Variants in TAF8 observed in about 807,000 individuals in gnomAD.
TAF8 encodes the protein transcription initiation factor TFIID subunit 8.
A neutral mutation model predicts 36.5 loss-of-function variants in TAF8; 47 were observed. The ratio of observed to expected loss-of-function variants is 1.29; its 90% CI spans 1.02 to 1.64. The LOEUF (loss-of-function observed/expected upper bound fraction) is 1.64. Ranked by LOEUF, TAF8 falls within the 40% of genes most tolerant of loss-of-function variation. The pLI, the probability that TAF8 is intolerant of heterozygous loss-of-function variation, is 0.00. For synonymous variants in TAF8, 175 were observed against 159.5 expected (o/e 1.10, Z -0.73); for missense variants, 420 against 407.6 (o/e 1.03, Z -0.26).
Position 42,050,530 on chromosome 6 carries a change from C to G in TAF8, c.-12C>G, listed in dbSNP as rs1345718234. ...TCGCGCCCCGCGCTCGCGCACACTA[C>G]GCCAGAACAAGATGGCCGACGCGGC... On this transcript the variant is annotated 5_prime_UTR_variant, in exon 1 of 9. Coordinates refer to ENST00000372977, the MANE Select transcript of TAF8 (RefSeq NM_138572.3). 6.8e-7 allele frequency: 1 copy of G among 1,463,388 alleles called. No individual in the cohort carries two copies. Among genetic ancestry groups the G allele is most frequent in the African/African-American group, 1.4e-5 (1 of 70,404 alleles). 90.7% of individuals were successfully genotyped at this position (1,463,388 alleles called of 1,614,324 possible).
At chr6:42,063,129 A>G (rs1042160892) in intron 5 of TAF8, 1 of 152,132 alleles carries the variant, frequency 6.6e-6, no homozygotes. Flanking sequence ...AACCCATAAC[A>G]TTCTTTAACT....
rs2127457685 is a variant in TAF8, at chr6:42,065,766, G to T, written c.490-546G>T. ...TGAAGGCTCCAAGACAATCTCTACA[G>T]TAAATATTTGTACATTTCTTAATTT... On this transcript the variant is annotated intron_variant, in intron 5 of 8. Coordinates refer to ENST00000372977, the MANE Select transcript of TAF8 (RefSeq NM_138572.3). 2.0e-5 allele frequency among the ~76,000 whole-genome samples: 3 copies of T among 152,280 alleles called. No individual in the cohort carries two copies. In the South Asian group the frequency reaches 6.2e-4, roughly 32 times the overall value.
At chr6:42,074,463 C>A (rs1017790534) in intron 7 of TAF8, among the ~76,000 whole-genome samples, 31 of 152,206 alleles carry the variant, frequency 2.0e-4, no homozygotes, top group African/African-American at 7.5e-4. Flanking sequence ...AGCTCACAGG[C>A]AATTCAGGGA....
chr6:42,070,943 G>GTGTTCTAGTCCTAGTT (rs1466318664), intron 7 of TAF8, among the ~76,000 whole-genome samples: 1 of 152,102 alleles, frequency 6.6e-6, no homozygotes, highest in Non-Finnish European at 1.5e-5. Context: ...GGGCAAGGAG[G>GTGTTCTAGTCCTAGTT]TGTTCTAGTC....
chr6:42,061,458 A>G (rs1765187301), intron 5 of TAF8, among the ~76,000 whole-genome samples: 2 of 152,192 alleles, frequency 1.3e-5, no homozygotes, highest in Non-Finnish European at 2.9e-5. Context: ...GTTAAATTTT[A>G]TAGCTGATTA....
intron 7 of TAF8, among the ~76,000 whole-genome samples, chr6:42,068,970 G>T (rs371631232): frequency 6.6e-6 from 1 of 152,104 alleles, no homozygotes; most frequent in African/African-American, 2.4e-5. Flanking sequence ...GACCGAGAAG[G>T]GGGCATTTGA....
At chr6:42,087,087 T>C (rs1395717261), downstream of TAF8, 2 of 362,830 alleles carry the variant, frequency 5.5e-6, no homozygotes, top group Non-Finnish European at 5.1e-6. Flanking sequence ...AGCCTTCCTC[T>C]GGCTTCACAG....
At chr6:42,073,061 G>A (rs991641274) in intron 7 of TAF8, among the ~76,000 whole-genome samples, 1 of 152,220 alleles carries the variant, frequency 6.6e-6, no homozygotes, top group African/African-American at 2.4e-5. Flanking sequence ...ATCTCTTGAT[G>A]AGAGTGCACC....
Position 42,078,724 on chromosome 6 carries a change from G to A in TAF8, c.*1179G>A. ...TGTGAGGAATGTGTGCTTGGGAACT[G>A]CCAAGTCTTACCCCTTCTGGAAGAA... On this transcript the variant is annotated 3_prime_UTR_variant, in exon 9 of 9. Transcript: ENST00000372977. 1.0e-6 allele frequency: 1 copy of A among 985,446 alleles called. No individual in the cohort carries two copies. The highest frequency in any genetic ancestry group is 1.2e-6 in the Non-Finnish European group (1 of 829,936). The allele number at this position is 985,446 out of a possible 1,614,324, so 61.0% of individuals were successfully genotyped here.
At chr6:42,076,217 A>AT (rs1315504122) in intron 7 of TAF8, among the ~76,000 whole-genome samples, 1 of 151,506 alleles carries the variant, frequency 6.6e-6, no homozygotes, top group Non-Finnish European at 1.5e-5. Context: ...AAAAAAAAAA[A>AT]ATGAACAGTA....
intron 1 of TAF8, chr6:42,050,819 A>G (rs1764746253): frequency 1.1e-6 from 1 of 952,138 alleles, no homozygotes; most frequent in African/African-American, 1.7e-5. Flanking sequence ...GGAGCCCGGA[A>G]CACCCCCGAT....
chr6:42,057,554 C>T lies in TAF8; in HGVS notation c.489+41C>T, dbSNP rs762832058. 2.1e-5 allele frequency: 34 copies of T among 1,610,672 alleles called. No homozygotes were observed. The South Asian group carries it at 2.9e-4, about 14-fold the overall frequency. On this transcript the variant is annotated intron_variant, in intron 5 of 8. Coordinates refer to ENST00000372977, the MANE Select transcript of TAF8 (RefSeq NM_138572.3). The stretch of plus-strand genomic sequence containing the variant: ...CTGGGACTGCGCGTGGTGTAAAGCA[C>T]GGAGTCAGTTCCTACTGACTGTCAC...
At chr6:42,050,940 CCT>C (rs2127446609) in intron 1 of TAF8, 2 of 1,124,052 alleles carry the variant, frequency 1.8e-6, no homozygotes, top group South Asian at 6.9e-5. Context: ...CTTTTGCCCT[CCT>C]CTCCTCGCGG....
In TAF8 at chr6:42,081,170, AGT is replaced by A. The variant is rs58805733; in HGVS notation, c.*3645_*3646del. ...TGTCCTTTATTTTCTTTCCTCCTGG[AGT>A]GTGTGTGTGTGTGTGTGTGCGTGTG... is the stretch of plus-strand genomic sequence containing the variant. On this transcript the variant is annotated 3_prime_UTR_variant, in exon 9 of 9. Coordinates refer to ENST00000372977, the MANE Select transcript of TAF8 (RefSeq NM_138572.3). 460 of 137,032 alleles carry A rather than the reference AGT, an allele frequency of 3.4e-3. 18 individuals are homozygous for A. In the East Asian group the frequency reaches 0.086, roughly 26 times the overall value. 8.5% of individuals were successfully genotyped at this position (137,032 alleles called of 1,614,324 possible). A position where few individuals can be genotyped will look rare whatever the true frequency, so the allele number is the denominator to read the frequency against.
At chr6:42,067,386 T>C (rs1189112075) in intron 6 of TAF8, among the ~76,000 whole-genome samples, 1 of 151,948 alleles carries the variant, frequency 6.6e-6, no homozygotes, top group African/African-American at 2.4e-5. Flanking sequence ...GCTAATTTTT[T>C]GTATTTTTAG....
intron 5 of TAF8, chr6:42,063,769 T>G (rs941573829): frequency 6.6e-6 from 1 of 152,174 alleles, no homozygotes; most frequent in Non-Finnish European, 1.5e-5. Flanking sequence ...GCTCAGTCTT[T>G]TTTTAGAGGT....
Position 42,080,370 on chromosome 6 carries a change from T to G in TAF8, c.*2825T>G, listed in dbSNP as rs918228339. 7.7e-6 allele frequency: 7 copies of G among 905,728 alleles called. No individual in the cohort carries two copies. In the East Asian group the frequency reaches 1.5e-3, roughly 189 times the overall value. 56.1% of individuals were successfully genotyped at this position (905,728 alleles called of 1,614,324 possible). ...CAGAGGCTATACTCTTTTTTTTTCT[T>G]TTCTTTTTTTTTTTTTTTTGAGACG... On this transcript the variant is annotated 3_prime_UTR_variant, in exon 9 of 9. Transcript: ENST00000372977.
In TAF8 at chr6:42,080,158, C is replaced by CA. The variant is rs1192106917; in HGVS notation, c.*2614dup. On this transcript the variant is annotated 3_prime_UTR_variant, in exon 9 of 9. Coordinates refer to ENST00000372977, the MANE Select transcript of TAF8 (RefSeq NM_138572.3). ...ATTCTTGGCCTGATAAGTTTATGAACACAGCCCCACATTCAAGCCGTGGCC... is the reference window on the plus strand; with the variant it reads ...ATTCTTGGCCTGATAAGTTTATGAACAACAGCCCCACATTCAAGCCGTGGCC... 45 of 985,258 alleles carry CA rather than the reference C, an allele frequency of 4.6e-5. No homozygotes were observed. The highest frequency in any genetic ancestry group is 5.4e-5 in the Non-Finnish European group (45 of 829,974). 61.0% of individuals were successfully genotyped at this position (985,258 alleles called of 1,614,324 possible).
At chr6:42,077,502 C>T in intron 8 of TAF8, 31 bp from the exon 9 acceptor site, 1 of 1,611,194 alleles carries the variant, frequency 6.2e-7, no homozygotes. Flanking sequence ...GGGCCCACAC[C>T]AGGAGGCTCC....
Sources: allele counts gnomAD v4.1 joint callset (sites outside exome capture counted in the v4.1 genomes callset), GRCh38; gene constraint gnomAD v4.1.1; transcripts MANE v1.5; gene names NCBI Gene and HGNC (gene_info 2026-07-23, HGNC 2026-07-21).